MZT2B: variants seen among roughly 807,000 people sequenced by gnomAD.
MZT2B encodes the protein mitotic-spindle organizing protein 2B.
In MZT2B, 11 loss-of-function variants were observed where a neutral mutation model predicts 12.1. That is an observed-to-expected ratio of 0.91 (90% CI 0.57 to 1.50). The LOEUF (loss-of-function observed/expected upper bound fraction) is 1.50, where lower values mean the gene tolerates loss of function less well. MZT2B is among the 40% of genes most tolerant of loss of function. The probability of loss-of-function intolerance (pLI) is 0.00; values close to 1 mark genes in which losing one functional copy is unlikely to be tolerated. For synonymous variants in MZT2B, 85 were observed against 109.5 expected (o/e 0.78, Z 1.40); for missense variants, 209 against 227.7 (o/e 0.92, Z 0.53).
chr2:130,198,681 G>A, the MZT2B span, among the ~76,000 whole-genome samples: 2 of 123,294 alleles, frequency 1.6e-5, 1 homozygote. Flanking sequence ...AACAGCTACT[G>A]CGCTGCCTCT....
At chr2:130,185,128 T>C (rs1690007916) in intron 2 of MZT2B, among the ~76,000 whole-genome samples, 1 of 151,790 alleles carries the variant, frequency 6.6e-6, no homozygotes, top group South Asian at 2.1e-4. Context: ...GCTAACACGG[T>C]GAAACCCCGT....
chr2:130,203,103 A>G, the MZT2B span, among the ~76,000 whole-genome samples: 1 of 131,102 alleles, frequency 7.6e-6, no homozygotes, highest in Non-Finnish European at 1.5e-5. Context: ...GGCTGCAGTC[A>G]TGCGATCTCA....
At chr2:130,184,244 C>G (rs1689960261) in intron 2 of MZT2B, 24 of 1,386,374 alleles carry the variant, frequency 1.7e-5, no homozygotes, top group Admixed American at 3.0e-5. Context: ...GAGCCCCTCT[C>G]CAAGGGAAGA....
chr2:130,202,432 T>C, the MZT2B span: 8 of 1,289,798 alleles, frequency 6.2e-6, no homozygotes, highest in Admixed American at 1.6e-4. Context: ...AAGGAGGACA[T>C]GCACAAGGTA....
At chr2:130,200,297 A>G in the MZT2B span, among the ~76,000 whole-genome samples, 2 of 151,970 alleles carry the variant, frequency 1.3e-5, no homozygotes, top group Admixed American at 1.3e-4. Flanking sequence ...ATGCTGAGGC[A>G]GGAGGATGGC....
chr2:130,184,340 T>C (rs1689967889), intron 2 of MZT2B: 2 of 985,316 alleles, frequency 2.0e-6, no homozygotes, highest in South Asian at 4.7e-5. Context: ...TTGTCCCTTA[T>C]CTGGACAGGA....
the MZT2B span, chr2:130,202,450 T>C: frequency 0.4 from 490,103 of 1,214,240 alleles, 105,894 homozygotes; most frequent in East Asian, 0.68. Context: ...GTAGGCAGTT[T>C]GGTTCTGGGT....
chr2:130,200,132 C>T, the MZT2B span, among the ~76,000 whole-genome samples: 1 of 151,668 alleles, frequency 6.6e-6, no homozygotes. Flanking sequence ...TGGCTCACGC[C>T]TGTAATCGCA....
At position 130,190,637 on chromosome 2, in the gene MZT2B, A is replaced by G. The variant is rs368297387; in HGVS notation, c.*11A>G. 17 of 1,591,564 alleles carry G rather than the reference A, an allele frequency of 1.1e-5. No individual in the cohort carries two copies. The highest frequency in any genetic ancestry group is 1.4e-5 in the Non-Finnish European group (16 of 1,163,266). On this transcript the variant is annotated 3_prime_UTR_variant, in exon 3 of 3. Coordinates refer to ENST00000281871, the MANE Select transcript of MZT2B (RefSeq NM_025029.5). ...CGGGGCAGCACCTAGGATGGGGCAG[A>G]GACTTGTTGCATCTTTGTCCCCAGC...
At chr2:130,182,238 A>C, upstream of MZT2B, 1 of 1,232,164 alleles carries the variant, frequency 8.1e-7, no homozygotes, top group Non-Finnish European at 1.0e-6. Context: ...CGCAGCCGCT[A>C]GGGGGCGCGG....
At chr2:130,197,817 G>A in the MZT2B span, among the ~76,000 whole-genome samples, 1 of 124,026 alleles carries the variant, frequency 8.1e-6, no homozygotes. Context: ...CATGTTGGTC[G>A]GGCTGATCTT....
chr2:130,195,183 G>A, downstream of MZT2B: 2 of 1,614,046 alleles, frequency 1.2e-6, no homozygotes. Flanking sequence ...GTGATCAGCT[G>A]CTCTGGGTGG....
chr2:130,187,582 C>T (rs958213431), intron 2 of MZT2B, among the ~76,000 whole-genome samples: 33 of 152,216 alleles, frequency 2.2e-4, no homozygotes, highest in Non-Finnish European at 3.2e-4. Flanking sequence ...TCAGTCACCC[C>T]GCCCTCACAC....
chr2:130,190,231 G>T (rs1690213496), intron 2 of MZT2B, among the ~76,000 whole-genome samples: 1 of 152,200 alleles, frequency 6.6e-6, no homozygotes, highest in African/African-American at 2.4e-5. Context: ...CTCCTTGCAT[G>T]GCTTTGCTCC....
chr2:130,204,300 G>A, the MZT2B span: 1 of 422,720 alleles, frequency 2.4e-6, no homozygotes, highest in East Asian at 7.3e-5. Context: ...ACTCCCAGAA[G>A]CAGAAGGTGT....
the MZT2B span, chr2:130,196,433 T>C: frequency 6.4e-7 from 1 of 1,569,522 alleles, no homozygotes; most frequent in Non-Finnish European, 8.6e-7. Context: ...CTATATGGCA[T>C]GCAAAATATT....
downstream of MZT2B, chr2:130,195,344 T>A (rs1199818683): frequency 1.4e-6 from 2 of 1,418,740 alleles, no homozygotes; most frequent in Non-Finnish European, 1.9e-6. Flanking sequence ...ATGACCTACA[T>A]GTCATAGGTC....
chr2:130,191,859 G>T, downstream of MZT2B: 1 of 1,611,418 alleles, frequency 6.2e-7, no homozygotes, highest in Non-Finnish European at 8.5e-7. Flanking sequence ...TTCAGCCTCA[G>T]CTTCCACGGA....
chr2:130,190,659 C>T lies in MZT2B; in HGVS notation c.*33C>T. 2 of 1,582,266 alleles carry T rather than the reference C, an allele frequency of 1.3e-6. No homozygotes were observed. Among genetic ancestry groups the T allele is most frequent in the Non-Finnish European group, 1.7e-6 (2 of 1,157,136 alleles). On this transcript the variant is annotated 3_prime_UTR_variant, in exon 3 of 3. Coordinates refer to ENST00000281871, the MANE Select transcript of MZT2B (RefSeq NM_025029.5). Reference sequence around the variant, plus strand: ...CAGAGACTTGTTGCATCTTTGTCCCCAGCAAAGGCTACATGTTACCTCCTT... The same window carrying T: ...CAGAGACTTGTTGCATCTTTGTCCCTAGCAAAGGCTACATGTTACCTCCTT...
Sources: allele counts gnomAD v4.1 joint callset (sites outside exome capture counted in the v4.1 genomes callset), GRCh38; gene constraint gnomAD v4.1.1; transcripts MANE v1.5; gene names NCBI Gene and HGNC (gene_info 2026-07-23, HGNC 2026-07-21).